The following RAP1GAP variants were observed in gnomAD, a reference collection of about 807,000 sequenced individuals.
The protein encoded by RAP1GAP is rap1 GTPase-activating protein 1.
Under a neutral mutation model 87.2 loss-of-function variants are expected in RAP1GAP, and 35 were observed. The observed-to-expected ratio is 0.40, with a 90% CI of 0.31 to 0.53. RAP1GAP has a LOEUF of 0.53. Among genes scored for constraint, RAP1GAP ranks in the 20% least tolerant of loss-of-function variants. The pLI is 0.48. For missense variants in RAP1GAP, 734 were observed against 898.9 expected, an observed-to-expected ratio of 0.82 and a Z score of 2.35; for synonymous variants, 375 against 363.9, an observed-to-expected ratio of 1.03 and a Z score of -0.35.
At position 21,609,076 on chromosome 1, in the gene RAP1GAP, A is replaced by G. The variant is rs1330060111; in HGVS notation, c.1072-140T>C. On this transcript the variant is annotated intron_variant, in intron 15 of 24. Transcript: ENST00000374765. This position sits in a 1 kb window ranked among gnomAD's most constrained non-coding sequence, Gnocchi z 4.4. ...CCTGGGGTCACCCTCTTCACTCCCA[A>G]AAGGGTATCTCCCTGGGCTCAGCTC... The G allele has an allele frequency of 2.8e-6, 2 of 726,202 alleles. No individual in the cohort carries two copies. The highest frequency in any genetic ancestry group is 4.7e-6 in the Non-Finnish European group (2 of 422,058). 45.0% of individuals were successfully genotyped at this position (726,202 alleles called of 1,614,324 possible).
At chr1:21,610,698 G>GT (rs1256642922) in intron 13 of RAP1GAP, among the ~76,000 whole-genome samples, 15 of 152,238 alleles carry the variant, frequency 9.9e-5, no homozygotes, top group African/African-American at 3.4e-4. Context: ...CAGGTCTCTT[G>GT]GTCCCCAGAC....
rs912280583 is a variant in RAP1GAP, at chr1:21,634,369, T to C, written c.-112-7972A>G. Among the ~76,000 whole-genome samples the C allele has an allele frequency of 1.3e-5, 2 of 152,166 alleles. No individual in the cohort carries two copies. The highest frequency in any genetic ancestry group is 2.4e-5 in the African/African-American group (1 of 41,442). On this transcript the variant is annotated intron_variant, in intron 2 of 24. Transcript: ENST00000374765. The surrounding 1 kb of genome is among the most constrained non-coding windows in gnomAD (Gnocchi z 4.1). ...GGAGCGGCAGGGGGACTATTTGCCA[T>C]GCGGGCACTGTGATGTCATTCAATC...
chr1:21,646,463 G>A (rs1363564710), intron 2 of RAP1GAP, among the ~76,000 whole-genome samples: 1 of 152,198 alleles, frequency 6.6e-6, no homozygotes, highest in Non-Finnish European at 1.5e-5. Flanking sequence ...TCTCAGTCCT[G>A]GTTTTGGCCT....
intron 1 of RAP1GAP, among the ~76,000 whole-genome samples, chr1:21,663,954 G>A (rs1343463975): frequency 6.6e-6 from 1 of 152,192 alleles, no homozygotes; most frequent in East Asian, 1.9e-4. Context: ...CACACTTGAG[G>A]CTCACACAAC....
intron 24 of RAP1GAP, 56 bp downstream of exon 24, chr1:21,597,630 C>A: frequency 1.4e-6 from 2 of 1,468,560 alleles, no homozygotes; most frequent in South Asian, 1.3e-5. Flanking sequence ...TCAGCTCAGC[C>A]CTCTACACAC....
chr1:21,603,216 G>A lies in RAP1GAP; in HGVS notation c.1429-303C>T, dbSNP rs375459852. On this transcript the variant is annotated intron_variant, in intron 18 of 24. Transcript: ENST00000374765. This position sits in a 1 kb window ranked among gnomAD's most constrained non-coding sequence, Gnocchi z 6.0. ...AGGCCGAGTCCTCAGAATGGCTACC[G>A]CTCCCCGCCCCCCAGGGCTCTGTGG... 276 of 415,552 alleles carry A rather than the reference G, an allele frequency of 6.6e-4. 3 individuals are homozygous for A. In the East Asian group the frequency reaches 9.4e-3, roughly 14 times the overall value. 25.7% of individuals were successfully genotyped at this position (415,552 alleles called of 1,614,324 possible). A position where few individuals can be genotyped will look rare whatever the true frequency, so the allele number is the denominator to read the frequency against.
In RAP1GAP at chr1:21,629,762, C is replaced by G. The variant is rs146679615; in HGVS notation, c.-112-3365G>C. On this transcript the variant is annotated intron_variant, in intron 2 of 24. Coordinates refer to ENST00000374765, the MANE Select transcript of RAP1GAP (RefSeq NM_002885.4). The stretch of plus-strand genomic sequence containing the variant: ...TAATCCTCACAGTTCCCCAAAGAGG[C>G]AGATGTTCAGAAACCTCCTGCTTTC... 1.1e-3 allele frequency among the ~76,000 whole-genome samples: 168 copies of G among 152,360 alleles called. 1 individual carries two copies. The highest frequency in any genetic ancestry group is 2.0e-3 in the Non-Finnish European group (139 of 68,036).
intron 2 of RAP1GAP, among the ~76,000 whole-genome samples, chr1:21,643,312 C>T (rs1265557089): frequency 6.6e-6 from 1 of 152,216 alleles, no homozygotes; most frequent in Non-Finnish European, 1.5e-5. Flanking sequence ...GTAATCCTAG[C>T]ACCTTGGGAG....
At position 21,599,632 on chromosome 1, in the gene RAP1GAP, G is replaced by T; in HGVS notation, c.1653-15C>A. The T allele has an allele frequency of 6.3e-7, 1 of 1,595,946 alleles. No individual in the cohort carries two copies. ...CGGTCTCCGCTCTGCCACAGACAGT[G>T]CCCCATTAGCCGGTGTCCACCCCGA... On this transcript the variant is annotated splice_polypyrimidine_tract_variant and intron_variant, in intron 20 of 24. Transcript: ENST00000374765.
chr1:21,651,912 C>T, intron 1 of RAP1GAP: 1 of 961,024 alleles, frequency 1.0e-6, no homozygotes, highest in Non-Finnish European at 1.2e-6. Flanking sequence ...CGCCCCGCCC[C>T]CGCCCCCGCC....
intron 5 of RAP1GAP, 85 bp from the exon 6 acceptor site, chr1:21,618,057 G>T (rs1433952411): frequency 1.4e-5 from 21 of 1,550,598 alleles, no homozygotes; most frequent in Non-Finnish European, 1.9e-5. Context: ...GCCAGCCTCA[G>T]GGCTGAGAGT....
intron 2 of RAP1GAP, among the ~76,000 whole-genome samples, chr1:21,648,283 T>A (rs2096259808): frequency 6.6e-6 from 1 of 152,210 alleles, no homozygotes; most frequent in Admixed American, 6.5e-5. Flanking sequence ...AACTCTTGGC[T>A]TAGGGCTCCC....
In RAP1GAP at chr1:21,597,051, C is replaced by G. The variant is rs1049396; in HGVS notation, c.*248G>C. 0.13 allele frequency: 19,905 copies of G among 152,568 alleles called. 1,474 individuals are homozygous for G. Among genetic ancestry groups the G allele is most frequent in the African/African-American group, 0.19 (7,935 of 41,456 alleles). The allele number at this position is 152,568 out of a possible 1,614,324, so 9.5% of individuals were successfully genotyped here. A position where few individuals can be genotyped will look rare whatever the true frequency, so the allele number is the denominator to read the frequency against. On this transcript the variant is annotated 3_prime_UTR_variant, in exon 25 of 25. Transcript: ENST00000374765. ...TCCACTGAGCAATCCCTGCCCCAGC[C>G]CAGACCCCCAGGCTGGGGGTGGGGA...
Position 21,622,239 on chromosome 1 carries a change from C to A in RAP1GAP, c.-18-2189G>T. 1 of 362,014 alleles carries A rather than the reference C, an allele frequency of 2.8e-6. No individual in the cohort carries two copies. The highest frequency in any genetic ancestry group is 5.0e-6 in the Non-Finnish European group (1 of 198,442). The allele number at this position is 362,014 out of a possible 1,614,324, so 22.4% of individuals were successfully genotyped here. A position where few individuals can be genotyped will look rare whatever the true frequency, so the allele number is the denominator to read the frequency against. ...CACGCCCACCATGACGGAGCCTTGTCCGCCCGCCCTGGCTGGGGCAGAGCC... is the reference window on the plus strand; with the variant it reads ...CACGCCCACCATGACGGAGCCTTGTACGCCCGCCCTGGCTGGGGCAGAGCC... On this transcript the variant is annotated intron_variant, in intron 3 of 24. Coordinates refer to ENST00000374765, the MANE Select transcript of RAP1GAP (RefSeq NM_002885.4). This position sits in a 1 kb window ranked among gnomAD's most constrained non-coding sequence, Gnocchi z 5.7.
At position 21,603,687 on chromosome 1, in the gene RAP1GAP, C is replaced by T. The variant is rs552429864; in HGVS notation, c.1429-774G>A. On this transcript the variant is annotated intron_variant, in intron 18 of 24. Coordinates refer to ENST00000374765, the MANE Select transcript of RAP1GAP (RefSeq NM_002885.4). The surrounding 1 kb of genome is among the most constrained non-coding windows in gnomAD (Gnocchi z 6.0). ...CCCCAAAGCAGGTGCTGAGTGCCAT[C>T]GGAGCTGCCGCCACTCCATCCCGCA... is the stretch of plus-strand genomic sequence containing the variant. 75 of 868,260 alleles carry T rather than the reference C, an allele frequency of 8.6e-5. No individual in the cohort carries two copies. Among genetic ancestry groups the T allele is most frequent in the Non-Finnish European group, 1.3e-4 (68 of 512,860 alleles). 53.8% of individuals were successfully genotyped at this position (868,260 alleles called of 1,614,324 possible).
intron 1 of RAP1GAP, among the ~76,000 whole-genome samples, chr1:21,662,469 T>A (rs7515280): frequency 8.6e-4 from 131 of 152,286 alleles, no homozygotes; most frequent in Non-Finnish European, 6.5e-4. Context: ...TCAGGGTCTG[T>A]GGGACTGTGT....
chr1:21,612,102 C>A lies in RAP1GAP; in HGVS notation c.536G>T (p.Arg179Leu). 6.4e-7 allele frequency: 1 copy of A among 1,551,930 alleles called. No individual in the cohort carries two copies. The highest frequency in any genetic ancestry group is 8.7e-7 in the Non-Finnish European group (1 of 1,146,830). The part of the protein sequence containing the change: ...FYPVLYPKAS[R>L]LIVTFDEHVI... ...ATGCTCGTCAAAGGTGACGATGAGC[C>A]GGGAAGCCTGCAGGAGAGGACGCCG... The change falls in exon 11 of 25, where the codon CGG becomes CTG. Residue 179 changes from arginine (R) to leucine (L), a missense_variant. By Grantham distance (102) the Arg-to-Leu change is moderately radical. Transcript: ENST00000374765.
chr1:21,616,309 C>T (rs2082137804), intron 7 of RAP1GAP, among the ~76,000 whole-genome samples: 1 of 152,214 alleles, frequency 6.6e-6, no homozygotes, highest in African/African-American at 2.4e-5. Context: ...CCTATCTGAG[C>T]TTCGGTTTCC....
intron 16 of RAP1GAP, 60 bp downstream of exon 16, chr1:21,608,790 C>G (rs532940338): frequency 3.8e-5 from 57 of 1,510,480 alleles, no homozygotes; most frequent in Non-Finnish European, 5.2e-5. Flanking sequence ...AGGGACAGGG[C>G]TGAAGTTATA....
Sources: allele counts gnomAD v4.1 joint callset (sites outside exome capture counted in the v4.1 genomes callset), GRCh38; gene constraint gnomAD v4.1.1; non-coding constraint Gnocchi (gnomAD v3.1); transcripts MANE v1.5; gene names NCBI Gene and HGNC (gene_info 2026-07-23, HGNC 2026-07-21).